Variants in CAMK2A observed in about 807,000 individuals in gnomAD.
CAMK2A encodes the protein calcium/calmodulin dependent protein kinase II alpha.
A neutral mutation model predicts 79.2 loss-of-function variants in CAMK2A; 7 were observed. That is an observed-to-expected ratio of 0.09 (90% CI 0.05 to 0.17). The LOEUF (loss-of-function observed/expected upper bound fraction) is 0.17, where lower values mean the gene tolerates loss of function less well. Ranked by LOEUF, CAMK2A falls within the 10% of genes least tolerant of loss-of-function variation. The pLI is 1.00. For missense variants in CAMK2A, 214 were observed against 646.4 expected (o/e 0.33, Z 7.25); for synonymous variants, 242 against 251.7 (o/e 0.96, Z 0.36).
At chr5:150,285,139 T>G (rs1304147736) in intron 1 of CAMK2A, among the ~76,000 whole-genome samples, 8 of 152,116 alleles carry the variant, frequency 5.3e-5, no homozygotes, top group African/African-American at 1.9e-4. Flanking sequence ...AGGGAGGATG[T>G]TCCCCAGATA....
chr5:150,236,148 T>C (rs1755048692), intron 15 of CAMK2A, among the ~76,000 whole-genome samples: 1 of 152,174 alleles, frequency 6.6e-6, no homozygotes, highest in South Asian at 2.1e-4. Flanking sequence ...AAGCAGAGGA[T>C]AATGACGGCA....
At chr5:150,245,331 G>A (rs1755517618) in intron 12 of CAMK2A, 130 bp from the exon 13 acceptor site, 3 of 734,940 alleles carry the variant, frequency 4.1e-6, no homozygotes, top group South Asian at 1.7e-5. Flanking sequence ...CAGCGATCCT[G>A]GGGGAGGCCT....
intron 1 of CAMK2A, among the ~76,000 whole-genome samples, chr5:150,282,955 T>A (rs1429207383): frequency 6.6e-6 from 1 of 152,234 alleles, no homozygotes; most frequent in Non-Finnish European, 1.5e-5. Context: ...GAAAGCTACC[T>A]CCCTTACTCT....
At chr5:150,239,811 G>C in intron 13 of CAMK2A, 75 bp from the exon 14 acceptor site, 4 of 1,248,226 alleles carry the variant, frequency 3.2e-6, no homozygotes, top group Non-Finnish European at 4.7e-6. Context: ...GGAACGACAG[G>C]GGAGGTTTGG....
At chr5:150,276,670 G>A (rs1459890053) in intron 1 of CAMK2A, among the ~76,000 whole-genome samples, 2 of 152,130 alleles carry the variant, frequency 1.3e-5, no homozygotes, top group Non-Finnish European at 2.9e-5. Context: ...GGAAGAGAAG[G>A]GCAGGAAGCA....
chr5:150,277,669 A>G (rs1216615055), intron 1 of CAMK2A, among the ~76,000 whole-genome samples: 2 of 152,212 alleles, frequency 1.3e-5, no homozygotes, highest in East Asian at 1.9e-4. Context: ...AAGCAAGTGC[A>G]TTTTTTGGAG....
chr5:150,256,887 C>A lies in CAMK2A; in HGVS notation c.273-56G>T. ...ATAGAGGCGACAGGTGCTGCCTCAT[C>A]TGGAGGAGTCTCCAGGAAACTAAGG... On this transcript the variant is annotated intron_variant, in intron 4 of 18. Coordinates refer to ENST00000671881, the MANE Select transcript of CAMK2A (RefSeq NM_015981.4). The surrounding 1 kb of genome is among the most constrained non-coding windows in gnomAD (Gnocchi z 4.6). 6.9e-7 allele frequency: 1 copy of A among 1,445,624 alleles called. No homozygotes were observed. The highest frequency in any genetic ancestry group is 9.6e-7 in the Non-Finnish European group (1 of 1,043,516). 89.5% of individuals were successfully genotyped at this position (1,445,624 alleles called of 1,614,324 possible).
chr5:150,224,704 A>G (rs1754506756), intron 17 of CAMK2A, among the ~76,000 whole-genome samples: 1 of 152,090 alleles, frequency 6.6e-6, no homozygotes, highest in African/African-American at 2.4e-5. Flanking sequence ...CAGCCGAACT[A>G]TAGAATCTGA....
rs577985433 is a variant in CAMK2A at position 150,256,290 on chromosome 5, C to A, written c.411+283G>T. Among the ~76,000 whole-genome samples the A allele has an allele frequency of 6.6e-6, 1 of 152,274 alleles. No homozygotes were observed. The highest frequency in any genetic ancestry group is 2.4e-5 in the African/African-American group (1 of 41,544). ...TGGACCCAGCCTGCCTTCTTCCCCACCCACCGTAGCCAGTCATGACAGTAT... is the reference window on the plus strand; with the variant it reads ...TGGACCCAGCCTGCCTTCTTCCCCAACCACCGTAGCCAGTCATGACAGTAT... On this transcript the variant is annotated intron_variant, in intron 6 of 18. Coordinates refer to ENST00000671881, the MANE Select transcript of CAMK2A (RefSeq NM_015981.4). The surrounding 1 kb of genome is among the most constrained non-coding windows in gnomAD (Gnocchi z 4.6).
chr5:150,222,527 C>G lies in CAMK2A; in HGVS notation c.*183G>C, dbSNP rs1754366127. 1 of 734,388 alleles carries G rather than the reference C, an allele frequency of 1.4e-6. No individual in the cohort carries two copies. Among genetic ancestry groups the G allele is most frequent in the South Asian group, 1.5e-5 (1 of 68,202 alleles). 45.5% of individuals were successfully genotyped at this position (734,388 alleles called of 1,614,324 possible). ...AGAGGTGGGGAGATGTGGCCGTTCG[C>G]TCTGAAGTTGCGATGACTTTTGTGA... On this transcript the variant is annotated 3_prime_UTR_variant, in exon 19 of 19. Transcript: ENST00000671881.
At chr5:150,283,049 T>C (rs1433050545) in intron 1 of CAMK2A, among the ~76,000 whole-genome samples, 3 of 152,220 alleles carry the variant, frequency 2.0e-5, no homozygotes, top group Non-Finnish European at 4.4e-5. Context: ...GGGGGAGACA[T>C]AGTCCCCAAG....
Position 150,256,554 on chromosome 5 carries a change from C to T in CAMK2A, c.411+19G>A. 5 of 1,604,274 alleles carry T rather than the reference C, an allele frequency of 3.1e-6. No individual in the cohort carries two copies. Among genetic ancestry groups the T allele is most frequent in the Non-Finnish European group, 4.3e-6 (5 of 1,172,490 alleles). On this transcript the variant is annotated intron_variant, in intron 6 of 18. Coordinates refer to ENST00000671881, the MANE Select transcript of CAMK2A (RefSeq NM_015981.4). The surrounding 1 kb of genome is among the most constrained non-coding windows in gnomAD (Gnocchi z 4.6). ...AGAGGGGCTCCCGGGGTGAGCCACACCCACGGTGGGTTGCTCACCTTCAGG... is the reference window on the plus strand; with the variant it reads ...AGAGGGGCTCCCGGGGTGAGCCACATCCACGGTGGGTTGCTCACCTTCAGG...
chr5:150,280,993 G>A (rs914011499), intron 1 of CAMK2A, among the ~76,000 whole-genome samples: 12 of 152,284 alleles, frequency 7.9e-5, no homozygotes, highest in East Asian at 3.9e-4. Flanking sequence ...CAAAGGATGC[G>A]TAGTCATCAG....
intron 11 of CAMK2A, among the ~76,000 whole-genome samples, chr5:150,248,122 C>G (rs1755654005): frequency 1.3e-5 from 2 of 152,108 alleles, no homozygotes; most frequent in South Asian, 4.1e-4. Context: ...GGGACACCTA[C>G]CAGCAGAGGC....
In CAMK2A at chr5:150,228,324, G is replaced by A. The variant is rs199818897; in HGVS notation, c.1143-38C>T. Reference sequence around the variant, plus strand: ...AGCCAGAGGGAAGAGGGACTGGGGCGGCTTCTCATTGGACCCTTGGAGGGT... The same window carrying A: ...AGCCAGAGGGAAGAGGGACTGGGGCAGCTTCTCATTGGACCCTTGGAGGGT... On this transcript the variant is annotated intron_variant, in intron 16 of 18. Coordinates refer to ENST00000671881, the MANE Select transcript of CAMK2A (RefSeq NM_015981.4). 5,015 of 1,500,632 alleles carry A rather than the reference G, an allele frequency of 3.3e-3. 16 individuals are homozygous for A. The highest frequency in any genetic ancestry group is 5.4e-3 in the Middle Eastern group (31 of 5,790). 93.0% of individuals were successfully genotyped at this position (1,500,632 alleles called of 1,614,324 possible). A position where few individuals can be genotyped will look rare whatever the true frequency, so the allele number is the denominator to read the frequency against.
At chr5:150,232,972 A>G (rs983566712) in intron 15 of CAMK2A, among the ~76,000 whole-genome samples, 2 of 152,230 alleles carry the variant, frequency 1.3e-5, no homozygotes, top group African/African-American at 4.8e-5. Flanking sequence ...GGCCTTTTCC[A>G]TAGGCCCCTG....
At chr5:150,239,426 T>C (rs1755240538) in intron 14 of CAMK2A, among the ~76,000 whole-genome samples, 2 of 152,174 alleles carry the variant, frequency 1.3e-5, no homozygotes, top group Non-Finnish European at 1.5e-5. Flanking sequence ...AGCCAAGGTC[T>C]GGACATAGGA....
At chr5:150,236,323 T>A (rs1328096899) in intron 15 of CAMK2A, among the ~76,000 whole-genome samples, 2 of 152,226 alleles carry the variant, frequency 1.3e-5, no homozygotes, top group Non-Finnish European at 2.9e-5. Flanking sequence ...TGAGTAAAAT[T>A]GGTGCTCCAA....
intron 13 of CAMK2A, among the ~76,000 whole-genome samples, chr5:150,244,117 G>A (rs929402739): frequency 6.6e-6 from 1 of 152,008 alleles, no homozygotes; most frequent in Non-Finnish European, 1.5e-5. Context: ...TTTTTTGTTT[G>A]TTTTTAAAGC....
Sources: allele counts gnomAD v4.1 joint callset (sites outside exome capture counted in the v4.1 genomes callset), GRCh38; gene constraint gnomAD v4.1.1; non-coding constraint Gnocchi (gnomAD v3.1); transcripts MANE v1.5; gene names NCBI Gene and HGNC (gene_info 2026-07-23, HGNC 2026-07-21).